OCA2: variants seen among roughly 807,000 people sequenced by gnomAD.
OCA2 encodes the protein OCA2 melanosomal transmembrane protein, also known as P protein.
OCA2 carries 77 observed loss-of-function variants against 100.2 expected under a neutral mutation model. The observed-to-expected ratio is 0.77, with a 90% confidence interval of 0.64 to 0.93. OCA2 has a LOEUF of 0.93. Ranked by LOEUF, OCA2 falls within the 40% of genes least tolerant of loss-of-function variation. OCA2 has a pLI of 0.00. For synonymous variants in OCA2, 432 were observed against 439.2 expected (o/e 0.98, Z 0.21); for missense variants, 1,062 against 1,089.1 (o/e 0.98, Z 0.35).
chr15:27,772,603 G>T (rs1009013302), intron 23 of OCA2, among the ~76,000 whole-genome samples: 6 of 152,106 alleles, frequency 3.9e-5, no homozygotes, highest in African/African-American at 1.4e-4. Context: ...AGCACTTTGG[G>T]AGGCCGAGGT....
chr15:28,014,752 C>A lies in OCA2; in HGVS notation c.1044+24G>T, dbSNP rs1030980686. The A allele has an allele frequency of 3.1e-6, 5 of 1,608,472 alleles. No homozygotes were observed. In the East Asian group the frequency reaches 1.1e-4, roughly 36 times the overall value. On this transcript the variant is annotated intron_variant, in intron 9 of 23. Transcript: ENST00000354638. ...TCCCTGACTGTGGGCCCAGACAGAT[C>A]GGGGGAGCAGGTGTGAAAGTTACCT...
chr15:28,023,622 C>T (rs1166609491), intron 5 of OCA2, among the ~76,000 whole-genome samples: 1 of 152,082 alleles, frequency 6.6e-6, no homozygotes, highest in Non-Finnish European at 1.5e-5. Flanking sequence ...CCACCCTTGC[C>T]CACAACCACA....
chr15:27,857,740 A>G (rs767043027), intron 21 of OCA2, among the ~76,000 whole-genome samples: 44 of 142,478 alleles, frequency 3.1e-4, no homozygotes, highest in Non-Finnish European at 5.3e-4. Context: ...ATTTCCAGAA[A>G]GAGAAGATGG....
intron 11 of OCA2, among the ~76,000 whole-genome samples, chr15:27,988,391 G>A (rs560961955): frequency 2.6e-5 from 4 of 152,224 alleles, no homozygotes; most frequent in South Asian, 2.1e-4. Context: ...GAGTGAGGGC[G>A]TTGAAGGAGG....
chr15:27,834,403 A>C (rs1375288679), intron 23 of OCA2, among the ~76,000 whole-genome samples: 1 of 152,122 alleles, frequency 6.6e-6, no homozygotes, highest in Non-Finnish European at 1.5e-5. Flanking sequence ...TTTCATTTGA[A>C]CCCTTTATAA....
chr15:27,799,465 C>T (rs2033493726), intron 23 of OCA2, among the ~76,000 whole-genome samples: 1 of 152,168 alleles, frequency 6.6e-6, no homozygotes, highest in African/African-American at 2.4e-5. Context: ...GGCAATGTCC[C>T]TTACAAACAT....
At chr15:27,745,507 T>C in the OCA2 span, among the ~76,000 whole-genome samples, 1 of 152,136 alleles carries the variant, frequency 6.6e-6, no homozygotes, top group African/African-American at 2.4e-5. Flanking sequence ...TACCTAACTT[T>C]CTGGGAATGC....
chr15:28,028,192 G>C, intron 3 of OCA2, 133 bp from the exon 4 acceptor site: 3 of 1,006,400 alleles, frequency 3.0e-6, no homozygotes, highest in Non-Finnish European at 4.6e-6. Flanking sequence ...AGACAGTGGT[G>C]CACTCTCATA....
At chr15:27,979,578 T>C (rs1053254598) in intron 14 of OCA2, among the ~76,000 whole-genome samples, 6 of 152,206 alleles carry the variant, frequency 3.9e-5, no homozygotes, top group Non-Finnish European at 8.8e-5. Context: ...TGGCATTAGC[T>C]GTTACTCTTT....
chr15:27,897,793 C>T (rs1022167096), intron 19 of OCA2, among the ~76,000 whole-genome samples: 2 of 152,178 alleles, frequency 1.3e-5, no homozygotes, highest in South Asian at 2.1e-4. Flanking sequence ...CTGGAAAATC[C>T]GCAGACACTC....
At chr15:28,088,858 C>CA (rs1477817497) in intron 1 of OCA2, among the ~76,000 whole-genome samples, 4 of 152,176 alleles carry the variant, frequency 2.6e-5, no homozygotes, top group Non-Finnish European at 4.4e-5. Context: ...TCTTTGATGA[C>CA]ATCTTAATCA....
the OCA2 span, among the ~76,000 whole-genome samples, chr15:27,743,600 C>T: frequency 6.6e-6 from 1 of 152,074 alleles, no homozygotes; most frequent in Non-Finnish European, 1.5e-5. Flanking sequence ...CGTGTCAGGC[C>T]CAGAAACACG....
the OCA2 span, among the ~76,000 whole-genome samples, chr15:27,731,071 G>T: frequency 6.6e-6 from 1 of 151,998 alleles, no homozygotes; most frequent in Non-Finnish European, 1.5e-5. Context: ...AAGCAGAATG[G>T]CATTCTCAGT....
chr15:27,892,250 C>G (rs1020527871), intron 19 of OCA2, among the ~76,000 whole-genome samples: 6 of 151,898 alleles, frequency 4.0e-5, no homozygotes, highest in Admixed American at 3.9e-4. Context: ...CACTCCAAAA[C>G]AGGAGAATAC....
intron 19 of OCA2, among the ~76,000 whole-genome samples, chr15:27,923,718 C>T (rs563743939): frequency 2.6e-5 from 4 of 152,206 alleles, no homozygotes; most frequent in African/African-American, 9.6e-5. Flanking sequence ...GTTTCTTTTT[C>T]TTGTAAATTT....
intron 23 of OCA2, among the ~76,000 whole-genome samples, chr15:27,801,060 T>A (rs1045035196): frequency 2.6e-5 from 4 of 152,038 alleles, no homozygotes; most frequent in African/African-American, 9.7e-5. Flanking sequence ...ACCAAACATA[T>A]AAGGTTGAAA....
At chr15:27,816,913 G>A (rs991159368) in intron 23 of OCA2, among the ~76,000 whole-genome samples, 2 of 152,100 alleles carry the variant, frequency 1.3e-5, no homozygotes, top group African/African-American at 2.4e-5. Context: ...CCACTGCAGT[G>A]ATTGATAAGA....
At position 28,081,840 on chromosome 15, in the gene OCA2, G is replaced by A. The variant is rs1029264707; in HGVS notation, c.35C>T (p.Pro12Leu). Reference sequence around the variant, plus strand: ...CAGGAGCTCCACCGCCGGCGCGCCGGGGTACCGCCTGCCGTCTCTGCCCTC... The same window carrying A: ...CAGGAGCTCCACCGCCGGCGCGCCGAGGTACCGCCTGCCGTCTCTGCCCTC... The part of the protein sequence containing the change: ...HLEGRDGRRY[P>L]GAPAVELLQT... Residue 12 changes from proline (P) to leucine (L), a missense_variant, in exon 2 of 24, where the codon CCC becomes CTC. Physicochemically the swap from Pro to Leu is moderately conservative, Grantham distance 98. Transcript: ENST00000354638. 2.5e-6 allele frequency: 4 copies of A among 1,611,436 alleles called. No individual in the cohort carries two copies. In the African/African-American group the frequency reaches 4.0e-5, roughly 16 times the overall value.
chr15:27,816,274 T>C (rs2034295675), intron 23 of OCA2, among the ~76,000 whole-genome samples: 1 of 152,180 alleles, frequency 6.6e-6, no homozygotes, highest in Admixed American at 6.5e-5. Flanking sequence ...TTTAAAAACA[T>C]GAACCAACAC....
Sources: allele counts gnomAD v4.1 joint callset (sites outside exome capture counted in the v4.1 genomes callset), GRCh38; gene constraint gnomAD v4.1.1; transcripts MANE v1.5; gene names NCBI Gene and HGNC (gene_info 2026-07-23, HGNC 2026-07-21).